The following B4GALT3 variants were observed in gnomAD, a reference collection of about 807,000 sequenced individuals.
B4GALT3 encodes beta-1,4-galactosyltransferase 3.
B4GALT3 carries 29 observed loss-of-function variants against 40.7 expected under a neutral mutation model. That is an observed-to-expected ratio of 0.71 (90% confidence interval 0.53 to 0.97). The LOEUF is 0.97. Ranked by LOEUF, B4GALT3 falls within the 50% of genes least tolerant of loss-of-function variation. The probability of loss-of-function intolerance (pLI) is 0.00; values close to 1 mark genes in which losing one functional copy is unlikely to be tolerated. For synonymous variants in B4GALT3, 182 were observed against 203.9 expected (o/e 0.89, Z 0.92); for missense variants, 390 against 522.3 (o/e 0.75, Z 2.47).
At position 161,174,227 on chromosome 1, in the gene B4GALT3, A is replaced by G. The variant is rs183614116; in HGVS notation, c.490-178T>C. Among the ~76,000 whole-genome samples, 50 of 152,206 alleles carry G rather than the reference A, an allele frequency of 3.3e-4. No homozygotes were observed. The East Asian group carries it at 8.3e-3, about 25-fold the overall frequency. On this transcript the variant is annotated intron_variant, in intron 4 of 7. Transcript: ENST00000319769. ...TTGAGACCACCCTGGCTAACACGGT[A>G]AAACCCCATCTCTACTAAAAATACA...
chr1:161,174,775 C>A lies in B4GALT3; in HGVS notation c.489+218G>T, dbSNP rs576235693. The A allele has an allele frequency of 1.1e-5, 6 of 546,920 alleles. No individual in the cohort carries two copies. In the South Asian group the frequency reaches 1.5e-4, roughly 14 times the overall value. 33.9% of individuals were successfully genotyped at this position (546,920 alleles called of 1,614,324 possible). ...ACAAGCCATTCAATAAAGAAAAAAT[C>A]ACAGGAGAGTGTAGGACAGTGGGAA... is the stretch of plus-strand genomic sequence containing the variant. On this transcript the variant is annotated intron_variant, in intron 4 of 7. Transcript: ENST00000319769.
At chr1:161,176,130 GA>G in intron 2 of B4GALT3, 56 bp from the exon 3 acceptor site, 1 of 1,579,532 alleles carries the variant, frequency 6.3e-7, no homozygotes, top group Non-Finnish European at 8.7e-7. Flanking sequence ...AGCCAGCAGA[GA>G]GGTCAGTAGG....
chr1:161,171,452 T>C lies in B4GALT3; in HGVS notation c.*364A>G, dbSNP rs1661404859. ...CAAACAACTTCCCGGGAACCATAAA[T>C]AGAATAAATATTCACAGAGGTCCGA... On this transcript the variant is annotated 3_prime_UTR_variant, in exon 8 of 8. Transcript: ENST00000319769. 1 of 590,784 alleles carries C rather than the reference T, an allele frequency of 1.7e-6. No individual in the cohort carries two copies. The highest frequency in any genetic ancestry group is 2.9e-6 in the Non-Finnish European group (1 of 339,004). The allele number at this position is 590,784 out of a possible 1,614,324, so 36.6% of individuals were successfully genotyped here.
chr1:161,174,120 A>C, intron 4 of B4GALT3, 71 bp from the exon 5 acceptor site: 4 of 1,529,714 alleles, frequency 2.6e-6, no homozygotes, highest in Non-Finnish European at 3.5e-6. Flanking sequence ...AAAGAATAAA[A>C]GTGAAGGCCG....
intron 4 of B4GALT3, among the ~76,000 whole-genome samples, chr1:161,174,435 G>A (rs1220330510): frequency 2.0e-5 from 3 of 151,504 alleles, no homozygotes; most frequent in African/African-American, 7.3e-5. Flanking sequence ...AAGAATAAAA[G>A]TGAAAAGAGG....
At position 161,175,929 on chromosome 1, in the gene B4GALT3, C is replaced by T. The variant is rs144022388; in HGVS notation, c.132G>A (p.Pro44=). 9.4e-5 allele frequency: 152 copies of T among 1,614,022 alleles called. No homozygotes were observed. The highest frequency in any genetic ancestry group is 1.2e-4 in the Non-Finnish European group (137 of 1,180,042). ...LSALFGRDQG[P]TFDYSHPRDV... is the part of the protein sequence containing the mutation. The stretch of plus-strand genomic sequence containing the variant: ...CACGAGGGTGAGAATAGTCAAATGT[C>T]GGTCCCTGATCTCGGCCAAATAGGG... The change falls in exon 3 of 8, where the codon CCG becomes CCA. Residue 44 remains proline, a synonymous_variant. Transcript: ENST00000319769.
In B4GALT3 at chr1:161,173,921, C is replaced by G. The variant is rs747356159; in HGVS notation, c.618G>C (p.Leu206=). ...VDLLPENDHN[L]YVCDPRGPRH... ...GGGGTCCCCGGGGGTCACACACATA[C>G]AGATTGTGGTCATTTTCTGGCAAGA... Residue 206 remains leucine, a synonymous_variant, in exon 5 of 8, where the codon CTG becomes CTC. Transcript: ENST00000319769. 5 of 1,614,066 alleles carry G rather than the reference C, an allele frequency of 3.1e-6. No homozygotes were observed. The highest frequency in any genetic ancestry group is 4.2e-6 in the Non-Finnish European group (5 of 1,180,036).
rs781538101 is a variant in B4GALT3 at position 161,175,836 on chromosome 1, G to C, written c.225C>G (p.Pro75=). 6.2e-7 allele frequency: 1 copy of C among 1,614,136 alleles called. No homozygotes were observed. Among genetic ancestry groups the C allele is most frequent in the Non-Finnish European group, 8.5e-7 (1 of 1,180,028 alleles). ...AGAGAGGAGATCGTTCTGGACAGTA[G>C]GGCAGACCTTGAGGAGCTGGAGGAC... ...PGGPPAPQGL[P]YCPERSPLLV... The change falls in exon 3 of 8, where the codon CCC becomes CCG. Residue 75 remains proline, a synonymous_variant. Coordinates refer to ENST00000319769, the MANE Select transcript of B4GALT3 (RefSeq NM_003779.4).
chr1:161,172,180 C>T, intron 7 of B4GALT3, 47 bp downstream of exon 7: 2 of 1,612,836 alleles, frequency 1.2e-6, no homozygotes, highest in Non-Finnish European at 1.7e-6. Flanking sequence ...GGTACAGAAC[C>T]CTGAGGATCC....
chr1:161,172,433 G>T, intron 6 of B4GALT3, 102 bp from the exon 7 acceptor site: 1 of 1,025,254 alleles, frequency 9.8e-7, no homozygotes, highest in Non-Finnish European at 1.4e-6. Flanking sequence ...TTACTTAGTA[G>T]GCAAAAGAAA....
Position 161,171,720 on chromosome 1 carries a change from C to G in B4GALT3, c.*96G>C. The G allele has an allele frequency of 6.7e-7, 1 of 1,502,838 alleles. No individual in the cohort carries two copies. Among genetic ancestry groups the G allele is most frequent in the Non-Finnish European group, 9.0e-7 (1 of 1,107,590 alleles). The allele number at this position is 1,502,838 out of a possible 1,614,324, so 93.1% of individuals were successfully genotyped here. The stretch of plus-strand genomic sequence containing the variant: ...CCTAGCACGGCACCAGAGTTCAGTT[C>G]CCTCACATCCCTCTGAGAACAGTGA... On this transcript the variant is annotated 3_prime_UTR_variant, in exon 8 of 8. Coordinates refer to ENST00000319769, the MANE Select transcript of B4GALT3 (RefSeq NM_003779.4).
chr1:161,173,522 T>C (rs11579514), intron 6 of B4GALT3, 83 bp downstream of exon 6: 455,486 of 1,593,948 alleles, frequency 0.29, 66,951 homozygotes, highest in East Asian at 0.41. Context: ...AAGGTTAGTG[T>C]TGAAGGGCTA....
At chr1:161,175,369 T>C in intron 3 of B4GALT3, 141 bp from the exon 4 acceptor site, 1 of 748,260 alleles carries the variant, frequency 1.3e-6, no homozygotes, top group Non-Finnish European at 2.2e-6. Context: ...TCGCATGCCT[T>C]GGATTACCTA....
At chr1:161,174,410 A>G (rs1418535936) in intron 4 of B4GALT3, among the ~76,000 whole-genome samples, 1 of 152,042 alleles carries the variant, frequency 6.6e-6, no homozygotes, top group East Asian at 1.9e-4. Flanking sequence ...CTCAAAAAAA[A>G]AAAAAAAGAA....
chr1:161,171,847 G>A lies in B4GALT3; in HGVS notation c.1151C>T (p.Ala384Val), dbSNP rs1558043914. 5 of 1,614,018 alleles carry A rather than the reference G, an allele frequency of 3.1e-6. No homozygotes were observed. Among genetic ancestry groups the A allele is most frequent in the Middle Eastern group, 1.6e-4 (1 of 6,062 alleles). The change falls in exon 8 of 8, where the codon GCC (alanine) becomes GTC (valine). Residue 384 changes from alanine (A) to valine (V), a missense_variant. Ala to Val is a moderately conservative substitution (Grantham distance 64). This residue lies in a region of B4GALT3 where 72 missense variants were observed against 71.3 expected (regional missense o/e 1.01). Transcript: ENST00000319769. ...PPARPGPLSTANHTALRGSH is the reference protein window; with the variant it reads ...PPARPGPLSTVNHTALRGSH ...TGAACCTCGGAGGGCTGTGTGGTTG[G>A]CAGTAGATAGAGGCCCAGGCCTGGC... is the stretch of plus-strand genomic sequence containing the variant.
upstream of B4GALT3, chr1:161,177,582 C>G (rs896034253): frequency 6.3e-6 from 1 of 158,932 alleles, no homozygotes; most frequent in African/African-American, 2.4e-5. Flanking sequence ...TCCCAGACAC[C>G]GCGTGGCCGG....
chr1:161,171,911 G>A lies in B4GALT3; in HGVS notation c.1087C>T (p.Gln363Ter). Reference sequence around the variant, plus strand: ...TGCAGCATCTCTTGACGGAAGGCTTGGGAGGAACCAGGTGGGTAACGTGGC... The same window carrying A: ...TGCAGCATCTCTTGACGGAAGGCTTAGGAGGAACCAGGTGGGTAACGTGGC... ...SGPRYPPGSSQAFRQEMLQRR... is the reference protein window; with the variant it reads ...SGPRYPPGSS The change falls in exon 8 of 8, where the codon CAA (glutamine) becomes TAA (stop). Residue 363 changes from glutamine (Q) to a stop codon, truncating the protein, a stop_gained. Transcript: ENST00000319769. LOFTEE classifies it high-confidence loss of function. 6.2e-7 allele frequency: 1 copy of A among 1,614,198 alleles called. No homozygotes were observed.
At chr1:161,175,330 G>C in intron 3 of B4GALT3, 102 bp from the exon 4 acceptor site, 1 of 1,045,720 alleles carries the variant, frequency 9.6e-7, no homozygotes, top group Non-Finnish European at 1.4e-6. Flanking sequence ...TGGTTCTGGG[G>C]CTTAGTTCTC....
intron 3 of B4GALT3, 50 bp downstream of exon 3, chr1:161,175,758 G>C: frequency 6.3e-7 from 1 of 1,598,364 alleles, no homozygotes; most frequent in Non-Finnish European, 8.5e-7. Flanking sequence ...AAGCCTCCCT[G>C]TCTCCGCACC....
Sources: gnomAD v4.1 joint callset for allele counts (sites outside exome capture counted in the v4.1 genomes callset) on GRCh38, gnomAD v4.1.1 for gene constraint, gnomAD v4.1.1 regional missense constraint, MANE v1.5 for transcripts, NCBI Gene and HGNC (gene_info 2026-07-23, HGNC 2026-07-21) for gene names.